RGS12: variants seen among roughly 807,000 people sequenced by gnomAD.
The protein encoded by RGS12 is regulator of G-protein signaling 12.
A neutral mutation model predicts 120.1 loss-of-function variants in RGS12; 66 were observed. The observed-to-expected ratio is 0.55, with a 90% CI of 0.45 to 0.67. RGS12 has a LOEUF of 0.67. RGS12 is among the 30% of genes least tolerant of loss of function. The pLI is 0.00. For missense variants in RGS12, 1,859 were observed against 1,957.7 expected (o/e 0.95, Z 0.95); for synonymous variants, 827 against 804.7 (o/e 1.03, Z -0.47).
intron 1 of RGS12, among the ~76,000 whole-genome samples, chr4:3,304,842 G>A (rs1035437593): frequency 6.6e-6 from 1 of 152,254 alleles, no homozygotes; most frequent in African/African-American, 2.4e-5. Context: ...TTTGCATCAC[G>A]TGGCACGTTG....
At chr4:3,334,613 A>G (rs1459611614) in intron 2 of RGS12, among the ~76,000 whole-genome samples, 1 of 151,550 alleles carries the variant, frequency 6.6e-6, no homozygotes, top group Non-Finnish European at 1.5e-5. Flanking sequence ...TTCCTCGTAT[A>G]TTGAATCTTA....
At chr4:3,355,370 C>T (rs914438090) in intron 3 of RGS12, among the ~76,000 whole-genome samples, 3 of 152,116 alleles carry the variant, frequency 2.0e-5, no homozygotes, top group African/African-American at 2.4e-5. Context: ...CAATTTAAAT[C>T]GTTACCGGAA....
intron 3 of RGS12, among the ~76,000 whole-genome samples, chr4:3,368,494 G>C (rs183047954): frequency 0.015 from 2,004 of 132,584 alleles, 66 homozygotes; most frequent in African/African-American, 0.051. Flanking sequence ...TGAGGTGCCT[G>C]TGTGTGTGTG....
intron 4 of RGS12, among the ~76,000 whole-genome samples, chr4:3,394,320 G>A (rs1027753493): frequency 1.1e-4 from 16 of 152,134 alleles, no homozygotes; most frequent in Admixed American, 9.2e-4. Flanking sequence ...ACACCACCAC[G>A]CCTGGCTAAT....
chr4:3,375,370 C>G (rs926388994), intron 3 of RGS12, among the ~76,000 whole-genome samples: 1 of 108,012 alleles, frequency 9.3e-6, no homozygotes, highest in Non-Finnish European at 1.9e-5. Flanking sequence ...CAGCCCTCAT[C>G]TTCAGCCCTC....
At chr4:3,384,753 G>T (rs944656497) in intron 3 of RGS12, among the ~76,000 whole-genome samples, 11 of 152,226 alleles carry the variant, frequency 7.2e-5, no homozygotes, top group East Asian at 3.9e-4. Context: ...GCCCCAGGTG[G>T]TCTCACACAG....
Position 3,318,020 on chromosome 4 carries a change from G to A in RGS12, c.1850G>A (p.Arg617Gln), listed in dbSNP as rs954583065. Residue 617 changes from arginine to glutamine, a missense_variant, in exon 2 of 18, where the codon CGA (arginine) becomes CAA (glutamine). Coordinates refer to ENST00000336727, the MANE Select transcript of RGS12 (RefSeq NM_001394154.1). Reference protein sequence around the residue: ...FGMQSIFGPHRNVRKTKEDKK... With the variant: ...FGMQSIFGPHQNVRKTKEDKK... Reference sequence around the variant, plus strand: ...ATGCAAAGCATTTTTGGTCCCCATCGAAATGTTCGAAAGACTAAGGAAGAT... The same window carrying A: ...ATGCAAAGCATTTTTGGTCCCCATCAAAATGTTCGAAAGACTAAGGAAGAT... The A allele has an allele frequency of 6.9e-6, 11 of 1,605,324 alleles. No homozygotes were observed. The highest frequency in any genetic ancestry group is 3.4e-5 in the Admixed American group (2 of 59,296).
Position 3,374,086 on chromosome 4 carries a change from C to T in RGS12, c.1999-12330C>T, listed in dbSNP as rs1028466139. 6.6e-6 allele frequency among the ~76,000 whole-genome samples: 1 copy of T among 152,214 alleles called. No homozygotes were observed. On this transcript the variant is annotated intron_variant, in intron 3 of 17. Transcript: ENST00000336727. The surrounding 1 kb of genome is among the most constrained non-coding windows in gnomAD (Gnocchi z 6.3). ...GGCGAGGCCCTTGAGCACTCAGCAC[C>T]TTCTCCTACCATGTCCCACGCGGCT...
intron 17 of RGS12, among the ~76,000 whole-genome samples, chr4:3,438,691 G>A (rs1200801986): frequency 2.6e-5 from 4 of 152,136 alleles, no homozygotes; most frequent in Non-Finnish European, 5.9e-5. Context: ...GAGGCCTCCC[G>A]GGGGTGCTGG....
At chr4:3,375,311 A>G (rs1717536819) in intron 3 of RGS12, among the ~76,000 whole-genome samples, 1 of 94,036 alleles carries the variant, frequency 1.1e-5, no homozygotes, top group Non-Finnish European at 2.2e-5. Flanking sequence ...CCTCATCTCC[A>G]GCCCTCATCT....
Position 3,389,691 on chromosome 4 carries a change from A to G in RGS12, c.2020+3254A>G, listed in dbSNP as rs537372428. 6.6e-6 allele frequency among the ~76,000 whole-genome samples: 1 copy of G among 152,124 alleles called. No individual in the cohort carries two copies. The highest frequency in any genetic ancestry group is 1.5e-5 in the Non-Finnish European group (1 of 67,974). On this transcript the variant is annotated intron_variant, in intron 4 of 17. Coordinates refer to ENST00000336727, the MANE Select transcript of RGS12 (RefSeq NM_001394154.1). This position sits in a 1 kb window ranked among gnomAD's most constrained non-coding sequence, Gnocchi z 5.2. ...CACCTTCTGAAGTCGGGGTGTGGAG[A>G]CTATCGGGGAGCTCCCAGAGCGCCC...
In RGS12 at chr4:3,433,136, A is replaced by G. The variant is rs1052605581; in HGVS notation, c.4114+2181A>G. On this transcript the variant is annotated intron_variant, in intron 17 of 17. Coordinates refer to ENST00000336727, the MANE Select transcript of RGS12 (RefSeq NM_001394154.1). The surrounding 1 kb of genome is among the most constrained non-coding windows in gnomAD (Gnocchi z 4.4). ...CATCTGTGGGCCGGGGCGAGCCTGGACTGAGTGCTGACCTGTCCGTTTTCA... is the reference window on the plus strand; with the variant it reads ...CATCTGTGGGCCGGGGCGAGCCTGGGCTGAGTGCTGACCTGTCCGTTTTCA... Among the ~76,000 whole-genome samples, 1 of 152,188 alleles carries G rather than the reference A, an allele frequency of 6.6e-6. No individual in the cohort carries two copies. Among genetic ancestry groups the G allele is most frequent in the Admixed American group, 6.5e-5 (1 of 15,284 alleles).
At chr4:3,321,694 G>A (rs1048223054) in intron 2 of RGS12, among the ~76,000 whole-genome samples, 1 of 152,186 alleles carries the variant, frequency 6.6e-6, no homozygotes, top group African/African-American at 2.4e-5. Context: ...CTCCGGCCTG[G>A]ACAGCCACGT....
chr4:3,328,726 C>G (rs1240386724), intron 2 of RGS12, among the ~76,000 whole-genome samples: 3 of 152,180 alleles, frequency 2.0e-5, no homozygotes, highest in Non-Finnish European at 4.4e-5. Flanking sequence ...AGTGAGATTT[C>G]TCTTACTCTA....
At chr4:3,437,339 T>C (rs1007109499) in intron 17 of RGS12, among the ~76,000 whole-genome samples, 1 of 152,200 alleles carries the variant, frequency 6.6e-6, no homozygotes, top group Admixed American at 6.5e-5. Flanking sequence ...CTCAGGGGCC[T>C]GTCCTCCCAT....
In RGS12 at chr4:3,366,619, C is replaced by G. The variant is rs1716338310; in HGVS notation, c.1999-19797C>G. ...GTGTTCCGCGCCCGTCTCCTTTCTG[C>G]TGTTGAGAAACCTTCAGGAGAGAGT... On this transcript the variant is annotated intron_variant, in intron 3 of 17. Transcript: ENST00000336727. This position sits in a 1 kb window ranked among gnomAD's most constrained non-coding sequence, Gnocchi z 4.0. Among the ~76,000 whole-genome samples, 1 of 152,248 alleles carries G rather than the reference C, an allele frequency of 6.6e-6. No individual in the cohort carries two copies. Among genetic ancestry groups the G allele is most frequent in the Non-Finnish European group, 1.5e-5 (1 of 68,044 alleles).
chr4:3,299,251 A>G (rs1416888783), intron 1 of RGS12, among the ~76,000 whole-genome samples: 7 of 151,982 alleles, frequency 4.6e-5, no homozygotes, highest in Non-Finnish European at 1.0e-4. Flanking sequence ...AGAATTTACT[A>G]ACAGATCTCA....
chr4:3,437,572 ACTGTCCCCTTGTCCC>A (rs1352630968), intron 17 of RGS12, among the ~76,000 whole-genome samples: 10 of 152,144 alleles, frequency 6.6e-5, no homozygotes, highest in African/African-American at 2.4e-4. Context: ...GATGGGCAGA[ACTGTCCCCTTGTCCC>A]CTGGGGGCAG....
upstream of RGS12, among the ~76,000 whole-genome samples, chr4:3,288,239 A>G (rs1050541163): frequency 3.6e-4 from 54 of 151,596 alleles, no homozygotes; most frequent in Non-Finnish European, 6.9e-4. This position sits in a 1 kb window ranked among gnomAD's most constrained non-coding sequence, Gnocchi z 5.2. Context: ...CTGGGGCTGG[A>G]GTGGGGACAC....
Sources: allele counts gnomAD v4.1 joint callset (sites outside exome capture counted in the v4.1 genomes callset), GRCh38; gene constraint gnomAD v4.1.1; non-coding constraint Gnocchi (gnomAD v3.1); transcripts MANE v1.5; gene names NCBI Gene and HGNC (gene_info 2026-07-23, HGNC 2026-07-21).